The following NRG3 variants were observed in gnomAD, a reference collection of about 807,000 sequenced individuals.
NRG3 encodes the protein neuregulin 3.
In NRG3, 31 loss-of-function variants were observed where a neutral mutation model predicts 66.9. The observed-to-expected ratio is 0.46, with a 90% CI of 0.35 to 0.63. The LOEUF is 0.63. Ranked by LOEUF, NRG3 falls within the 20% of genes least tolerant of loss-of-function variation. The pLI is 0.00. For missense variants in NRG3, 910 were observed against 878.9 expected (o/e 1.04, Z -0.45); for synonymous variants, 393 against 359.4 (o/e 1.09, Z -1.06).
intron 3 of NRG3, among the ~76,000 whole-genome samples, chr10:82,830,071 G>A (rs1271474675): frequency 6.6e-6 from 1 of 152,152 alleles, no homozygotes; most frequent in African/African-American, 2.4e-5. Flanking sequence ...CGACATTAAT[G>A]TTAACAGTAT....
chr10:82,117,064 A>T (rs1380991470), intron 1 of NRG3, among the ~76,000 whole-genome samples: 1 of 152,012 alleles, frequency 6.6e-6, no homozygotes, highest in Non-Finnish European at 1.5e-5. Flanking sequence ...TCTGTCTGGG[A>T]TTCCTTTCCA....
intron 1 of NRG3, among the ~76,000 whole-genome samples, chr10:82,291,632 G>T (rs1477921065): frequency 1.3e-5 from 2 of 152,144 alleles, no homozygotes; most frequent in Non-Finnish European, 2.9e-5. Context: ...GGACAGAATA[G>T]AAATTCTTTA....
At chr10:82,596,501 G>A (rs545397223) in intron 2 of NRG3, among the ~76,000 whole-genome samples, 2 of 152,210 alleles carry the variant, frequency 1.3e-5, no homozygotes, top group South Asian at 4.1e-4. Flanking sequence ...AACTGGTTGG[G>A]CTCATTTTGG....
chr10:81,903,987 TATATATATA>T, intron 1 of NRG3, among the ~76,000 whole-genome samples: 1 of 124,058 alleles, frequency 8.1e-6, no homozygotes, highest in African/African-American at 4.0e-5. Context: ...TATATATATA[TATATATATA>T]TTTTTTTTTT....
chr10:82,563,382 A>G (rs939368914), intron 2 of NRG3, among the ~76,000 whole-genome samples: 2 of 152,110 alleles, frequency 1.3e-5, no homozygotes, highest in African/African-American at 4.8e-5. Context: ...TAATTAATTA[A>G]GAATGTTATT....
Position 82,302,262 on chromosome 10 carries a change from C to CA in NRG3, c.824-56469dup, listed in dbSNP as rs530316806. On this transcript the variant is annotated intron_variant, in intron 1 of 8. Transcript: ENST00000372141. ...TATGTAAGAAAGGAAGAAGTTATTG[C>CA]AAAAAAAATCTATATCATACCCACA... Among the ~76,000 whole-genome samples, 529 of 151,254 alleles carry CA rather than the reference C, an allele frequency of 3.5e-3. 6 individuals carry two copies. The highest frequency in any genetic ancestry group is 0.012 in the African/African-American group (486 of 41,284).
intron 4 of NRG3, among the ~76,000 whole-genome samples, chr10:82,903,604 T>C (rs540841956): frequency 6.6e-6 from 1 of 152,292 alleles, no homozygotes; most frequent in South Asian, 2.1e-4. Context: ...CTTATGGTAT[T>C]GATAAATAAA....
At chr10:82,504,978 A>C (rs2132385729) in intron 2 of NRG3, among the ~76,000 whole-genome samples, 1 of 152,336 alleles carries the variant, frequency 6.6e-6, no homozygotes, top group African/African-American at 2.4e-5. Context: ...AAAATGGAAA[A>C]TTCAGTGAAG....
At chr10:82,592,786 C>A (rs555631496) in intron 2 of NRG3, among the ~76,000 whole-genome samples, 2 of 152,100 alleles carry the variant, frequency 1.3e-5, no homozygotes, top group African/African-American at 4.8e-5. Flanking sequence ...ACTAAAGACC[C>A]CTTGCCTGGA....
chr10:82,081,898 T>C (rs1048035301), intron 1 of NRG3, among the ~76,000 whole-genome samples: 5 of 152,192 alleles, frequency 3.3e-5, no homozygotes, highest in African/African-American at 1.2e-4. Flanking sequence ...CATGCACCTA[T>C]AGTCCCAAAT....
At chr10:82,212,581 G>A (rs559793491) in intron 1 of NRG3, among the ~76,000 whole-genome samples, 4 of 152,270 alleles carry the variant, frequency 2.6e-5, no homozygotes, top group Admixed American at 6.5e-5. Flanking sequence ...ATTGCACGTC[G>A]CTGAGTACAA....
At chr10:82,805,973 A>C (rs558394419) in intron 3 of NRG3, among the ~76,000 whole-genome samples, 1 of 152,202 alleles carries the variant, frequency 6.6e-6, no homozygotes, top group Non-Finnish European at 1.5e-5. Context: ...GGTTTTTCTG[A>C]AACATCAACT....
At chr10:82,521,337 T>A (rs1590459680) in intron 2 of NRG3, among the ~76,000 whole-genome samples, 2 of 152,146 alleles carry the variant, frequency 1.3e-5, no homozygotes, top group South Asian at 4.1e-4. Flanking sequence ...AAAGTTGGGG[T>A]GATTACGGAC....
chr10:82,348,581 G>A (rs1273488621), intron 1 of NRG3, among the ~76,000 whole-genome samples: 9 of 145,878 alleles, frequency 6.2e-5, no homozygotes, highest in East Asian at 6.1e-4. Context: ...TCTTTGTGGC[G>A]TTCTCTGTAT....
At chr10:82,382,622 T>G (rs1207739396) in intron 2 of NRG3, among the ~76,000 whole-genome samples, 4 of 151,992 alleles carry the variant, frequency 2.6e-5, no homozygotes, top group Non-Finnish European at 5.9e-5. Context: ...AAAAATCCAG[T>G]TCTCACATAC....
chr10:82,803,218 A>G (rs2061125809), intron 3 of NRG3, among the ~76,000 whole-genome samples: 1 of 152,176 alleles, frequency 6.6e-6, no homozygotes, highest in Non-Finnish European at 1.5e-5. Context: ...AGACCATTCA[A>G]GGGATTCGGT....
rs576969640 is a variant in NRG3 at position 82,404,546 on chromosome 10, C to T, written c.953+45678C>T. Among the ~76,000 whole-genome samples, 3 of 152,184 alleles carry T rather than the reference C, an allele frequency of 2.0e-5. No homozygotes were observed. In the South Asian group the frequency reaches 6.2e-4, roughly 32 times the overall value. On this transcript the variant is annotated intron_variant, in intron 2 of 8. Transcript: ENST00000372141. ...TTGCTATCTCAATCATTATATTGTA[C>T]CTTATTTGCTGAATGAATGATTGAA...
chr10:82,044,760 C>G (rs1281876533), intron 1 of NRG3, among the ~76,000 whole-genome samples: 4 of 152,062 alleles, frequency 2.6e-5, no homozygotes, highest in African/African-American at 9.7e-5. Context: ...TGTTCCCCTT[C>G]CTGTGTCCAT....
At chr10:81,878,895 T>C (rs1440309168) in intron 1 of NRG3, among the ~76,000 whole-genome samples, 7 of 152,212 alleles carry the variant, frequency 4.6e-5, no homozygotes, top group Non-Finnish European at 7.3e-5. Flanking sequence ...GTAAGGATCC[T>C]GTCTCTTTGG....
Sources: gnomAD v4.1 joint callset for allele counts (sites outside exome capture counted in the v4.1 genomes callset) on GRCh38, gnomAD v4.1.1 for gene constraint, MANE v1.5 for transcripts, NCBI Gene and HGNC (gene_info 2026-07-23, HGNC 2026-07-21) for gene names.